Variants in PLXNA4 observed in about 807,000 individuals in gnomAD.
The protein encoded by PLXNA4 is plexin A4.
Under a neutral mutation model 191.8 loss-of-function variants are expected in PLXNA4, and 44 were observed. The observed-to-expected ratio is 0.23, with a 90% CI of 0.18 to 0.29. The LOEUF is 0.29. PLXNA4 is among the 10% of genes least tolerant of loss of function. The pLI is 1.00. For synonymous variants in PLXNA4, 1,082 were observed against 1,009.5 expected, an observed-to-expected ratio of 1.07 and a Z score of -1.36; for missense variants, 1,800 against 2,488.8, an observed-to-expected ratio of 0.72 and a Z score of 5.89.
rs777833237 is a variant in PLXNA4, at chr7:132,375,219, C to T, written c.1372-76997G>A. ...GCAGAGACTGATCGGGCTTTCCAGG[C>T]CCACATGGCCAGTGCTTACACATCT... On this transcript the variant is annotated intron_variant, in intron 3 of 31. Transcript: ENST00000321063. Among the ~76,000 whole-genome samples the T allele has an allele frequency of 5.3e-5, 8 of 152,212 alleles. 1 individual carries two copies. The highest frequency in any genetic ancestry group is 2.6e-4 in the Admixed American group (4 of 15,278).
At chr7:132,382,800 G>C (rs1804950826) in intron 3 of PLXNA4, among the ~76,000 whole-genome samples, 1 of 152,168 alleles carries the variant, frequency 6.6e-6, no homozygotes, top group Admixed American at 6.5e-5. Context: ...ATATATTTGA[G>C]AGAGTATTTG....
chr7:132,246,100 A>G (rs943417981), intron 4 of PLXNA4, among the ~76,000 whole-genome samples: 3 of 152,210 alleles, frequency 2.0e-5, no homozygotes, highest in Non-Finnish European at 4.4e-5. Context: ...GTATTTTACC[A>G]CAATAAAAGA....
At chr7:132,171,639 T>G (rs369294034) in intron 21 of PLXNA4, among the ~76,000 whole-genome samples, 18 of 152,102 alleles carry the variant, frequency 1.2e-4, no homozygotes, top group African/African-American at 4.3e-4. Context: ...GGCTGCCCCT[T>G]CTCTGTGTGC....
Position 132,383,145 on chromosome 7 carries a change from C to T in PLXNA4, c.1372-84923G>A, listed in dbSNP as rs550108261. Among the ~76,000 whole-genome samples the T allele has an allele frequency of 2.6e-5, 4 of 152,302 alleles. No homozygotes were observed. The South Asian group carries it at 6.2e-4, about 24-fold the overall frequency. ...TGATCCCTCCATCCATGCTCCCTCT[C>T]TCTGAAGCCCACTCATGGCATGTGT... On this transcript the variant is annotated intron_variant, in intron 3 of 31. Transcript: ENST00000321063.
chr7:132,199,829 C>T (rs1003029513), intron 12 of PLXNA4, among the ~76,000 whole-genome samples: 2 of 152,202 alleles, frequency 1.3e-5, no homozygotes, highest in African/African-American at 2.4e-5. Flanking sequence ...AGCTACCTCC[C>T]ACCTCCTACA....
At chr7:132,314,608 A>G (rs529420579) in intron 3 of PLXNA4, among the ~76,000 whole-genome samples, 3 of 152,142 alleles carry the variant, frequency 2.0e-5, no homozygotes, top group African/African-American at 7.3e-5. Context: ...GAATATCAAG[A>G]AAAACTGAGA....
chr7:132,224,396 C>G (rs1479144953), intron 8 of PLXNA4, among the ~76,000 whole-genome samples: 2 of 152,116 alleles, frequency 1.3e-5, no homozygotes, highest in African/African-American at 4.8e-5. Context: ...CACCCTGGGC[C>G]CTTCTCCCGT....
chr7:132,518,136 AC>A (rs1365163895), intron 1 of PLXNA4, among the ~76,000 whole-genome samples: 2 of 151,792 alleles, frequency 1.3e-5, no homozygotes, highest in Non-Finnish European at 2.9e-5. Flanking sequence ...CAGACAACTG[AC>A]CCCATGTACT....
In PLXNA4 at chr7:132,495,669, A is replaced by G. The variant is rs1249705205; in HGVS notation, c.1189-6195T>C. 3.3e-5 allele frequency among the ~76,000 whole-genome samples: 5 copies of G among 152,230 alleles called. No homozygotes were observed. In the East Asian group the frequency reaches 9.7e-4, roughly 30 times the overall value. On this transcript the variant is annotated intron_variant, in intron 2 of 31. Transcript: ENST00000321063. ...CAGCTCTCCTGCCCTTCCTGAATGGAAAAGTATCATCTAGCCTCATACTCC... is the reference window on the plus strand; with the variant it reads ...CAGCTCTCCTGCCCTTCCTGAATGGGAAAGTATCATCTAGCCTCATACTCC...
chr7:132,275,789 T>C (rs1352027845), intron 4 of PLXNA4, among the ~76,000 whole-genome samples: 2 of 152,336 alleles, frequency 1.3e-5, no homozygotes, highest in East Asian at 3.9e-4. Flanking sequence ...CCCATGCATG[T>C]GACATGTGAC....
chr7:132,508,541 G>A lies in PLXNA4; in HGVS notation c.153C>T (p.Phe51=). ...VTFRGEPAEG[F]NHLVVDERTG... is the part of the protein sequence containing the mutation. ...TCCTCTCATCCACCACCAGGTGATT[G>A]AAACCCTCGGCGGGCTCTCCTCGGA... is the stretch of plus-strand genomic sequence containing the variant. The change falls in exon 2 of 32, where the codon TTC becomes TTT. Residue 51 remains phenylalanine, a synonymous_variant. Coordinates refer to ENST00000321063, the MANE Select transcript of PLXNA4 (RefSeq NM_020911.2). This position sits in a 1 kb window ranked among gnomAD's most constrained non-coding sequence, Gnocchi z 4.4. 1 of 1,614,200 alleles carries A rather than the reference G, an allele frequency of 6.2e-7. No homozygotes were observed. Among genetic ancestry groups the A allele is most frequent in the Non-Finnish European group, 8.5e-7 (1 of 1,180,030 alleles).
At chr7:132,393,338 G>A (rs1337826675) in intron 3 of PLXNA4, among the ~76,000 whole-genome samples, 3 of 150,512 alleles carry the variant, frequency 2.0e-5, no homozygotes, top group Admixed American at 1.3e-4. Flanking sequence ...CAGCACCTAA[G>A]GCAGTGAATG....
intron 2 of PLXNA4, among the ~76,000 whole-genome samples, chr7:132,588,697 A>T (rs1262113489): frequency 1.4e-5 from 1 of 70,674 alleles, no homozygotes; most frequent in African/African-American, 5.4e-5. Context: ...GGAGGGAGGG[A>T]GGGAGGGGAG....
intron 2 of PLXNA4, among the ~76,000 whole-genome samples, chr7:132,499,107 T>C (rs1293764357): frequency 6.6e-6 from 1 of 152,210 alleles, no homozygotes; most frequent in Non-Finnish European, 1.5e-5. Context: ...GGCCAGGCTG[T>C]AACCAATAGC....
chr7:132,487,987 G>A (rs1423526880), intron 3 of PLXNA4, among the ~76,000 whole-genome samples: 2 of 152,196 alleles, frequency 1.3e-5, no homozygotes, highest in African/African-American at 4.8e-5. Flanking sequence ...CTGTTTTTTA[G>A]TTGTGACACT....
At position 132,259,480 on chromosome 7, in the gene PLXNA4, AG is replaced by A. The variant is rs1243549633; in HGVS notation, c.1504-18315del. Among the ~76,000 whole-genome samples the A allele has an allele frequency of 3.6e-4, 46 of 127,704 alleles. 1 individual carries two copies. The highest frequency in any genetic ancestry group is 9.8e-5 in the Non-Finnish European group (6 of 61,522). The allele number at this position is 127,704 out of a possible 152,430, so 83.8% of individuals were successfully genotyped here. A position where few individuals can be genotyped will look rare whatever the true frequency, so the allele number is the denominator to read the frequency against. ...AAAAAAAAAAAAAAAAAAAGAAAAA[AG>A]GAAAAAAGAAAAGCAAAAGAAAACC... On this transcript the variant is annotated intron_variant, in intron 4 of 31. Transcript: ENST00000321063.
At chr7:132,449,976 C>T (rs1390533755) in intron 3 of PLXNA4, among the ~76,000 whole-genome samples, 1 of 152,228 alleles carries the variant, frequency 6.6e-6, no homozygotes, top group Admixed American at 6.5e-5. Context: ...GGCTAATGGC[C>T]TCTGATGAAA....
intron 3 of PLXNA4, among the ~76,000 whole-genome samples, chr7:132,355,780 GGA>G (rs1803678435): frequency 6.6e-6 from 1 of 152,122 alleles, no homozygotes; most frequent in Non-Finnish European, 1.5e-5. Flanking sequence ...CTTTGGGGAG[GGA>G]GAGAGAAGGA....
intron 1 of PLXNA4, among the ~76,000 whole-genome samples, chr7:132,563,697 T>C (rs996294894): frequency 0.055 from 1,578 of 28,546 alleles, no homozygotes; most frequent in East Asian, 0.094. Flanking sequence ...TCCTCCTCCT[T>C]CTCCTCCTCC....
Sources: allele counts gnomAD v4.1 joint callset (sites outside exome capture counted in the v4.1 genomes callset), GRCh38; gene constraint gnomAD v4.1.1; non-coding constraint Gnocchi (gnomAD v3.1); transcripts MANE v1.5; gene names NCBI Gene and HGNC (gene_info 2026-07-23, HGNC 2026-07-21).